Variants in RBFOX1 observed in about 807,000 individuals in gnomAD.
RBFOX1 encodes the protein RNA binding fox-1 homolog 1.
RBFOX1 carries 8 observed loss-of-function variants against 57.7 expected under a neutral mutation model. The ratio of observed to expected loss-of-function variants is 0.14; its 90% confidence interval spans 0.08 to 0.25. The LOEUF (loss-of-function observed/expected upper bound fraction) is 0.25, where lower values mean the gene tolerates loss of function less well. Ranked by LOEUF, RBFOX1 falls within the 10% of genes least tolerant of loss-of-function variation. The pLI, the probability that RBFOX1 is intolerant of heterozygous loss-of-function variation, is 1.00. For missense variants in RBFOX1, 611 were observed against 548.5 expected, an observed-to-expected ratio of 1.11 and a Z score of -1.14; for synonymous variants, 326 against 222.4, an observed-to-expected ratio of 1.47 and a Z score of -4.15.
chr16:5,533,873 C>A (rs1030225297), intron 2 of RBFOX1, among the ~76,000 whole-genome samples: 1 of 152,002 alleles, frequency 6.6e-6, no homozygotes, highest in African/African-American at 2.4e-5. Context: ...GAGAGGTGGG[C>A]AGGGGTGTTG....
intron 2 of RBFOX1, among the ~76,000 whole-genome samples, chr16:6,584,393 G>A (rs1024956301): frequency 5.5e-5 from 8 of 144,978 alleles, no homozygotes; most frequent in Admixed American, 4.9e-4. Context: ...ATTGAGACAT[G>A]GTCTTGCTCT....
intron 3 of RBFOX1, among the ~76,000 whole-genome samples, chr16:5,821,378 C>T (rs536744433): frequency 2.8e-4 from 42 of 149,122 alleles, no homozygotes; most frequent in South Asian, 1.1e-3. Flanking sequence ...TTACGGCTCA[C>T]TGTAGCCTTT....
intron 2 of RBFOX1, among the ~76,000 whole-genome samples, chr16:5,511,332 G>C (rs1360255520): frequency 2.6e-5 from 4 of 152,214 alleles, no homozygotes; most frequent in Non-Finnish European, 5.9e-5. Flanking sequence ...AGGAGCTGAG[G>C]TTACTGGTCT....
At chr16:7,210,082 G>T (rs762838700) in intron 4 of RBFOX1, among the ~76,000 whole-genome samples, 1 of 152,178 alleles carries the variant, frequency 6.6e-6, no homozygotes, top group Non-Finnish European at 1.5e-5. Context: ...CCAATGAAGT[G>T]CATCTTTGCA....
chr16:6,318,759 A>G (rs2081403549), intron 2 of RBFOX1, among the ~76,000 whole-genome samples: 1 of 152,214 alleles, frequency 6.6e-6, no homozygotes, highest in South Asian at 2.1e-4. Flanking sequence ...AAAGAGAGAC[A>G]TTAAAAAAAG....
At chr16:7,086,596 G>A (rs1007968468) in intron 4 of RBFOX1, among the ~76,000 whole-genome samples, 22 of 152,224 alleles carry the variant, frequency 1.4e-4, no homozygotes, top group East Asian at 5.8e-4. Context: ...ATACTTTCAG[G>A]AAATCTTAGC....
intron 3 of RBFOX1, among the ~76,000 whole-genome samples, chr16:5,660,217 G>A (rs958426204): frequency 1.3e-5 from 2 of 152,180 alleles, no homozygotes; most frequent in African/African-American, 2.4e-5. Flanking sequence ...TTGTTTCGTT[G>A]AGTGTCTGGT....
At chr16:5,575,961 TAGAG>T (rs2046439404) in intron 2 of RBFOX1, among the ~76,000 whole-genome samples, 1 of 151,700 alleles carries the variant, frequency 6.6e-6, no homozygotes, top group Non-Finnish European at 1.5e-5. Flanking sequence ...GGGGGAGGGA[TAGAG>T]AGATTTGCAG....
intron 4 of RBFOX1, among the ~76,000 whole-genome samples, chr16:7,221,519 A>G (rs1402174592): frequency 1.3e-5 from 2 of 152,018 alleles, no homozygotes; most frequent in Middle Eastern, 6.3e-3. Context: ...GGTGCGTGCC[A>G]TCACACCTAG....
intron 4 of RBFOX1, among the ~76,000 whole-genome samples, chr16:7,390,860 C>A (rs781343881): frequency 5.3e-5 from 8 of 151,778 alleles, no homozygotes; most frequent in Admixed American, 6.6e-5. Context: ...GATTTGTACG[C>A]CCTGGGGATA....
chr16:6,991,279 A>G (rs1004249099), intron 3 of RBFOX1, among the ~76,000 whole-genome samples: 1 of 152,022 alleles, frequency 6.6e-6, no homozygotes, highest in Non-Finnish European at 1.5e-5. Context: ...CAGCCTGGGC[A>G]GTAGAGTGAG....
chr16:7,028,558 A>C (rs1389467278), intron 3 of RBFOX1, among the ~76,000 whole-genome samples: 2 of 130,550 alleles, frequency 1.5e-5, no homozygotes, highest in Admixed American at 9.4e-5. Flanking sequence ...TTGCACTCCA[A>C]CCTGGGCAAT....
At chr16:7,135,877 T>G (rs1288250039) in intron 4 of RBFOX1, among the ~76,000 whole-genome samples, 1 of 152,226 alleles carries the variant, frequency 6.6e-6, no homozygotes, top group African/African-American at 2.4e-5. Context: ...CAAAGAAAGC[T>G]CTGTTTGTTC....
intron 2 of RBFOX1, among the ~76,000 whole-genome samples, chr16:5,550,380 C>A (rs1389333732): frequency 6.6e-6 from 1 of 152,170 alleles, no homozygotes; most frequent in African/African-American, 2.4e-5. Context: ...GCAGCTCATT[C>A]TTCAGGGCTG....
chr16:7,271,063 C>T (rs1159847084), intron 4 of RBFOX1, among the ~76,000 whole-genome samples: 1 of 152,038 alleles, frequency 6.6e-6, no homozygotes, highest in Non-Finnish European at 1.5e-5. Flanking sequence ...TGCTGCATTG[C>T]CTCACAGTTC....
chr16:7,519,762 T>A, intron 5 of RBFOX1: 1 of 966,942 alleles, frequency 1.0e-6, no homozygotes, highest in Non-Finnish European at 1.2e-6. Context: ...GGAAAGCAAG[T>A]ATTTGTGAAG....
At chr16:5,362,898 A>G (rs1001023162) in intron 1 of RBFOX1, among the ~76,000 whole-genome samples, 1 of 152,118 alleles carries the variant, frequency 6.6e-6, no homozygotes, top group Non-Finnish European at 1.5e-5. Flanking sequence ...GTTCCACTGT[A>G]TGAATATACC....
intron 3 of RBFOX1, among the ~76,000 whole-genome samples, chr16:5,669,578 G>A (rs2049955726): frequency 6.6e-6 from 1 of 152,004 alleles, no homozygotes; most frequent in South Asian, 2.1e-4. Context: ...CACCACCATG[G>A]CTAGCTAATT....
At chr16:6,200,944 G>C (rs2097210857) in intron 1 of RBFOX1, among the ~76,000 whole-genome samples, 1 of 78,642 alleles carries the variant, frequency 1.3e-5, no homozygotes, top group Non-Finnish European at 2.5e-5. Flanking sequence ...AACTTAGTGA[G>C]GTTTTTTTTT....
Sources: allele counts gnomAD v4.1 joint callset (sites outside exome capture counted in the v4.1 genomes callset), GRCh38; gene constraint gnomAD v4.1.1; transcripts MANE v1.5; gene names NCBI Gene and HGNC (gene_info 2026-07-23, HGNC 2026-07-21).